Variants in EDARADD observed in about 807,000 individuals in gnomAD.
EDARADD encodes the protein EDAR associated via death domain.
A neutral mutation model predicts 25.6 loss-of-function variants in EDARADD; 20 were observed. The ratio of observed to expected loss-of-function variants is 0.78; its 90% CI spans 0.55 to 1.14. The LOEUF (loss-of-function observed/expected upper bound fraction) is 1.14, where lower values mean the gene tolerates loss of function less well. Ranked by LOEUF, EDARADD falls within the 50% of genes most tolerant of loss-of-function variation. The pLI, the probability that EDARADD is intolerant of heterozygous loss-of-function variation, is 0.00. For missense variants in EDARADD, 225 were observed against 270.1 expected, an observed-to-expected ratio of 0.83 and a Z score of 1.17; for synonymous variants, 86 against 94.4, an observed-to-expected ratio of 0.91 and a Z score of 0.52.
chr1:236,384,456 T>A (rs565380405), intron 3 of EDARADD, among the ~76,000 whole-genome samples: 1 of 152,320 alleles, frequency 6.6e-6, no homozygotes, highest in Non-Finnish European at 1.5e-5. Flanking sequence ...AGTAGTGCAA[T>A]CATAGGTCAC....
At chr1:236,393,610 T>A (rs1667462124), upstream of EDARADD, among the ~76,000 whole-genome samples, 1 of 152,034 alleles carries the variant, frequency 6.6e-6, no homozygotes, top group Non-Finnish European at 1.5e-5. Flanking sequence ...TTGGCCAGGC[T>A]GGCCTCGAAC....
chr1:236,385,702 C>G (rs563265087), intron 3 of EDARADD, among the ~76,000 whole-genome samples: 2 of 145,158 alleles, frequency 1.4e-5, no homozygotes, highest in African/African-American at 5.1e-5. Flanking sequence ...CCAGCTTGGG[C>G]GACAAGAGCG....
At chr1:236,411,424 AG>A (rs751201441) in intron 2 of EDARADD, among the ~76,000 whole-genome samples, 9 of 152,108 alleles carry the variant, frequency 5.9e-5, no homozygotes, top group African/African-American at 9.7e-5. Flanking sequence ...CAGCTTATAG[AG>A]GCATCACTCC....
At chr1:236,469,281 A>G in intron 5 of EDARADD, among the ~76,000 whole-genome samples, 1 of 152,006 alleles carries the variant, frequency 6.6e-6, no homozygotes, top group East Asian at 1.9e-4. Context: ...CAAGACCAGC[A>G]TGGCCAACAT....
At chr1:236,441,322 A>G (rs1658392593) in intron 4 of EDARADD, among the ~76,000 whole-genome samples, 1 of 145,260 alleles carries the variant, frequency 6.9e-6, no homozygotes, top group African/African-American at 2.5e-5. Flanking sequence ...ATATATATAA[A>G]TGTATATAAA....
chr1:236,423,934 T>A (rs1657842628), intron 3 of EDARADD, among the ~76,000 whole-genome samples: 2 of 151,904 alleles, frequency 1.3e-5, no homozygotes, highest in Non-Finnish European at 2.9e-5. Context: ...GGTGAAACCC[T>A]GTCTCTACTA....
Position 236,471,769 on chromosome 1 carries a change from T to A in EDARADD, c.265+3493T>A, listed in dbSNP as rs1659367058. On this transcript the variant is annotated intron_variant, in intron 5 of 5. Transcript: ENST00000334232. ...GCAGCAGTGGAGGGAAACACTCCCG[T>A]GGCAATCACTCTCCAAAAGCCAGAA... Among the ~76,000 whole-genome samples, 3 of 152,286 alleles carry A rather than the reference T, an allele frequency of 2.0e-5. 1 individual carries two copies. The South Asian group carries it at 6.2e-4, about 32-fold the overall frequency.
chr1:236,383,474 C>T (rs1667323176), intron 3 of EDARADD, among the ~76,000 whole-genome samples: 1 of 151,864 alleles, frequency 6.6e-6, no homozygotes, highest in African/African-American at 2.4e-5. Context: ...CCAGAGAGCA[C>T]CATCCTTCTT....
In EDARADD at chr1:236,394,519, T is replaced by C. The variant is rs758351197; in HGVS notation, c.61+14T>C. 9.9e-6 allele frequency: 16 copies of C among 1,611,000 alleles called. No homozygotes were observed. The highest frequency in any genetic ancestry group is 9.3e-6 in the Non-Finnish European group (11 of 1,178,974). On this transcript the variant is annotated intron_variant, in intron 1 of 5. Transcript: ENST00000334232. ...GTCACCAAGAGGGTATGTAGGCATTTGCTGTCTTCCTGGATTTCTCAGAGC... is the reference window on the plus strand; with the variant it reads ...GTCACCAAGAGGGTATGTAGGCATTCGCTGTCTTCCTGGATTTCTCAGAGC...
intron 4 of EDARADD, among the ~76,000 whole-genome samples, chr1:236,465,710 T>C (rs886816809): frequency 1.3e-5 from 2 of 152,162 alleles, no homozygotes; most frequent in African/African-American, 4.8e-5. Context: ...CATTGCAATA[T>C]GGGGGTTTTT....
chr1:236,381,148 A>T (rs1572117266), intron 3 of EDARADD, among the ~76,000 whole-genome samples: 1 of 152,168 alleles, frequency 6.6e-6, no homozygotes, highest in Non-Finnish European at 1.5e-5. Flanking sequence ...CAATAGATTT[A>T]TTATCAGTGG....
chr1:236,483,298 A>T lies in EDARADD; in HGVS notation c.*649A>T, dbSNP rs1023679491. On this transcript the variant is annotated 3_prime_UTR_variant, in exon 6 of 6. Coordinates refer to ENST00000334232, the MANE Select transcript of EDARADD (RefSeq NM_145861.4). ...AGTGGTGCTTCAACTGGTATCTATG[A>T]GGTCCTAGAGCTCCAGGACAATGAT... 1.2e-6 allele frequency: 2 copies of T among 1,600,148 alleles called. No homozygotes were observed. Among genetic ancestry groups the T allele is most frequent in the Non-Finnish European group, 1.7e-6 (2 of 1,169,866 alleles).
intron 4 of EDARADD, among the ~76,000 whole-genome samples, chr1:236,458,641 C>CTTTTTTT (rs5781887): frequency 3.8e-3 from 430 of 113,458 alleles, no homozygotes; most frequent in Non-Finnish European, 5.8e-3. Flanking sequence ...TTTTCTTTTT[C>CTTTTTTT]TTTTTTTTTT....
At position 236,480,133 on chromosome 1, in the gene EDARADD, A is replaced by ATATATATATATATATATCTATC. The variant is rs1553271650; in HGVS notation, c.266-2131_266-2130insATATATATATATATCTATCTAT. Among the ~76,000 whole-genome samples the ATATATATATATATATATCTATC allele has an allele frequency of 2.8e-5, 4 of 142,090 alleles. 1 individual carries two copies. The highest frequency in any genetic ancestry group is 1.1e-4 in the African/African-American group (4 of 37,622). The allele number at this position is 142,090 out of a possible 152,430, so 93.2% of individuals were successfully genotyped here. A position where few individuals can be genotyped will look rare whatever the true frequency, so the allele number is the denominator to read the frequency against. On this transcript the variant is annotated intron_variant, in intron 5 of 5. Coordinates refer to ENST00000334232, the MANE Select transcript of EDARADD (RefSeq NM_145861.4). ...TATATATATATATATATATATATATATATCACATTTTCTTTATCCACTCAT... is the reference window on the plus strand; with the variant it reads ...TATATATATATATATATATATATATATATATATATATATATATCTATCTATCACATTTTCTTTATCCACTCAT...
intron 3 of EDARADD, among the ~76,000 whole-genome samples, chr1:236,363,146 G>T (rs979047171): frequency 1.3e-5 from 2 of 148,934 alleles, no homozygotes; most frequent in African/African-American, 4.9e-5. Flanking sequence ...GGGATTACAG[G>T]CATGAACCAC....
chr1:236,483,292 T>A lies in EDARADD; in HGVS notation c.*643T>A, dbSNP rs545805733. 1 of 1,600,432 alleles carries A rather than the reference T, an allele frequency of 6.2e-7. No homozygotes were observed. Among genetic ancestry groups the A allele is most frequent in the East Asian group, 2.2e-5 (1 of 44,718 alleles). ...GTGCCCAGTGGTGCTTCAACTGGTA[T>A]CTATGAGGTCCTAGAGCTCCAGGAC... On this transcript the variant is annotated 3_prime_UTR_variant, in exon 6 of 6. Coordinates refer to ENST00000334232, the MANE Select transcript of EDARADD (RefSeq NM_145861.4).
At chr1:236,408,136 T>C (rs1667770196) in intron 1 of EDARADD, among the ~76,000 whole-genome samples, 1 of 152,190 alleles carries the variant, frequency 6.6e-6, no homozygotes, top group South Asian at 2.1e-4. Context: ...TATTTGAAGA[T>C]ATTTATAGGT....
chr1:236,396,963 G>C (rs1248541396), intron 1 of EDARADD, among the ~76,000 whole-genome samples: 1 of 120,276 alleles, frequency 8.3e-6, no homozygotes, highest in Non-Finnish European at 1.7e-5. Flanking sequence ...ATTAAATGAT[G>C]ATTGCAGGGG....
chr1:236,393,332 A>AGT (rs1667450565), upstream of EDARADD, among the ~76,000 whole-genome samples: 1 of 145,800 alleles, frequency 6.9e-6, no homozygotes, highest in Non-Finnish European at 1.5e-5. Context: ...TCTGAGATTG[A>AGT]GTGTTTGGGT....
Sources: gnomAD v4.1 joint callset for allele counts (sites outside exome capture counted in the v4.1 genomes callset) on GRCh38, gnomAD v4.1.1 for gene constraint, MANE v1.5 for transcripts, NCBI Gene and HGNC (gene_info 2026-07-23, HGNC 2026-07-21) for gene names.